The following FARP1 variants were observed in gnomAD, a reference collection of about 807,000 sequenced individuals.
FARP1 encodes FERM, ARHGEF and pleckstrin domain-containing protein 1.
In FARP1, 52 loss-of-function variants were observed where a neutral mutation model predicts 128.8. The ratio of observed to expected loss-of-function variants is 0.40; its 90% CI spans 0.32 to 0.51. FARP1 has a LOEUF of 0.51. Ranked by LOEUF, FARP1 falls within the 20% of genes least tolerant of loss-of-function variation. The pLI is 0.45. For missense variants in FARP1, 1,333 were observed against 1,367.9 expected, an observed-to-expected ratio of 0.97 and a Z score of 0.40; for synonymous variants, 580 against 551.8, an observed-to-expected ratio of 1.05 and a Z score of -0.72.
chr13:98,225,627 C>G (rs930873595), intron 2 of FARP1, among the ~76,000 whole-genome samples: 1 of 152,232 alleles, frequency 6.6e-6, no homozygotes, highest in Non-Finnish European at 1.5e-5. Context: ...CTGAAAGGCC[C>G]GTGGCCATCT....
At chr13:98,275,706 A>G (rs963036466) in intron 2 of FARP1, among the ~76,000 whole-genome samples, 8 of 147,058 alleles carry the variant, frequency 5.4e-5, no homozygotes, top group African/African-American at 1.8e-4. Flanking sequence ...AAAATGTCCC[A>G]CTTTCCTGGT....
chr13:98,341,492 C>T (rs1285705217), intron 2 of FARP1, among the ~76,000 whole-genome samples: 1 of 151,960 alleles, frequency 6.6e-6, no homozygotes, highest in African/African-American at 2.4e-5. Context: ...ATTAGCTGGG[C>T]GTGGTGGCGG....
chr13:98,144,081 A>G (rs958127697), intron 1 of FARP1, among the ~76,000 whole-genome samples: 2 of 151,850 alleles, frequency 1.3e-5, no homozygotes, highest in African/African-American at 4.8e-5. Flanking sequence ...TTTATTTTTT[A>G]TTTTTTAAAG....
chr13:98,287,096 C>T (rs1885206869), intron 2 of FARP1, among the ~76,000 whole-genome samples: 1 of 151,920 alleles, frequency 6.6e-6, no homozygotes, highest in Admixed American at 6.6e-5. Flanking sequence ...GTGCTTTGCA[C>T]TACAGATACA....
chr13:98,387,228 G>A (rs1351004875), intron 8 of FARP1, among the ~76,000 whole-genome samples: 1 of 152,200 alleles, frequency 6.6e-6, no homozygotes, highest in East Asian at 1.9e-4. Flanking sequence ...TTGAATTTGG[G>A]AAGCAGAGGT....
At chr13:98,179,741 C>T (rs890842120) in intron 1 of FARP1, among the ~76,000 whole-genome samples, 14 of 151,030 alleles carry the variant, frequency 9.3e-5, no homozygotes, top group African/African-American at 2.7e-4. Flanking sequence ...CCTGTAGCCC[C>T]AGCTACTCGG....
At chr13:98,291,287 G>T (rs1885435102) in intron 2 of FARP1, among the ~76,000 whole-genome samples, 1 of 152,172 alleles carries the variant, frequency 6.6e-6, no homozygotes, top group Admixed American at 6.5e-5. Flanking sequence ...TTGTTTAATG[G>T]AAGTGGATCA....
Position 98,448,329 on chromosome 13 carries a change from A to G in FARP1, c.*12A>G. ...CTCTTGTGTATTGATGGCCGGACAC[A>G]CTCGTTTCCGCAGTGGCTGCTTTCC... On this transcript the variant is annotated 3_prime_UTR_variant, in exon 27 of 27. Transcript: ENST00000319562. 2 of 1,599,916 alleles carry G rather than the reference A, an allele frequency of 1.3e-6. No individual in the cohort carries two copies. Among genetic ancestry groups the G allele is most frequent in the Non-Finnish European group, 1.7e-6 (2 of 1,167,048 alleles).
intron 2 of FARP1, among the ~76,000 whole-genome samples, chr13:98,230,092 G>A (rs913353349): frequency 2.0e-5 from 3 of 152,144 alleles, no homozygotes; most frequent in African/African-American, 2.4e-5. Context: ...ACTTGCTTTA[G>A]AGAAGTGGGC....
chr13:98,177,249 G>A, intron 1 of FARP1: 2 of 1,533,714 alleles, frequency 1.3e-6, no homozygotes, highest in South Asian at 2.5e-5. Flanking sequence ...TTGAGTCTCA[G>A]GCTCCCAACG....
chr13:98,370,639 TG>T (rs1289264680), intron 5 of FARP1, among the ~76,000 whole-genome samples: 1 of 151,634 alleles, frequency 6.6e-6, no homozygotes, highest in Non-Finnish European at 1.5e-5. Context: ...GGAGGACTGT[TG>T]GGGAGTGGAG....
At position 98,221,405 on chromosome 13, in the gene FARP1, G is replaced by A. The variant is rs548604229; in HGVS notation, c.171+7992G>A. On this transcript the variant is annotated intron_variant, in intron 2 of 26. Coordinates refer to ENST00000319562, the MANE Select transcript of FARP1 (RefSeq NM_005766.4). ...CATTCCTCTTAGACCACAGCTGCCT[G>A]TGTAGTCTCACATCAAACTGGGGCT... Among the ~76,000 whole-genome samples, 6 of 152,298 alleles carry A rather than the reference G, an allele frequency of 3.9e-5. No individual in the cohort carries two copies. In the East Asian group the frequency reaches 1.2e-3, roughly 29 times the overall value.
rs1379397344 is a variant in FARP1, at chr13:98,452,346, AATT to A, written c.*4032_*4034del. On this transcript the variant is annotated 3_prime_UTR_variant, in exon 27 of 27. Transcript: ENST00000319562. ...GAGCGCTTCATGGGGAGAAACTGAA[AATT>A]ATAATTTAAAGCTTCATGAGGCAAG... 6.6e-6 allele frequency: 1 copy of A among 152,524 alleles called. No homozygotes were observed. The allele number at this position is 152,524 out of a possible 1,614,324, so 9.4% of individuals were successfully genotyped here.
chr13:98,451,601 G>A lies in FARP1; in HGVS notation c.*3284G>A, dbSNP rs9517312. 32,637 of 151,968 alleles carry A rather than the reference G, an allele frequency of 0.21. 3,628 individuals are homozygous for A. Among genetic ancestry groups the A allele is most frequent in the Middle Eastern group, 0.25 (73 of 294 alleles). 9.4% of individuals were successfully genotyped at this position (151,968 alleles called of 1,614,324 possible). On this transcript the variant is annotated 3_prime_UTR_variant, in exon 27 of 27. Coordinates refer to ENST00000319562, the MANE Select transcript of FARP1 (RefSeq NM_005766.4). ...TCTGTCCCCTCCCTATAGCTTAGAG[G>A]CCACTAGACCAGCAGATAGCTGAGC...
At chr13:98,195,301 TC>T (rs1879499200) in intron 1 of FARP1, among the ~76,000 whole-genome samples, 1 of 152,200 alleles carries the variant, frequency 6.6e-6, no homozygotes, top group Non-Finnish European at 1.5e-5. Context: ...TGCTCCTCGA[TC>T]TGCCTATTTA....
chr13:98,186,212 T>G (rs571179840), intron 1 of FARP1, among the ~76,000 whole-genome samples: 3 of 152,300 alleles, frequency 2.0e-5, no homozygotes, highest in Admixed American at 2.0e-4. Flanking sequence ...GTTCAAGCGA[T>G]TCTCCTGCCT....
At chr13:98,447,910 C>T in intron 26 of FARP1, 1 of 367,686 alleles carries the variant, frequency 2.7e-6, no homozygotes, top group Non-Finnish European at 5.0e-6. Flanking sequence ...CACGTCCCGC[C>T]ATTCTCTGCC....
chr13:98,444,111 CG>C (rs68077784), intron 24 of FARP1, among the ~76,000 whole-genome samples: 30,780 of 151,508 alleles, frequency 0.2, 3,347 homozygotes, highest in African/African-American at 0.24. Flanking sequence ...GTCTTCTTCT[CG>C]GGGGGTCCCC....
chr13:98,265,388 C>T (rs1334873903), intron 2 of FARP1, among the ~76,000 whole-genome samples: 4 of 129,180 alleles, frequency 3.1e-5, no homozygotes, highest in Admixed American at 9.3e-5. Flanking sequence ...GGCGGGATCT[C>T]GGCTCACTGC....
Sources: gnomAD v4.1 joint callset for allele counts (sites outside exome capture counted in the v4.1 genomes callset) on GRCh38, gnomAD v4.1.1 for gene constraint, MANE v1.5 for transcripts, NCBI Gene and HGNC (gene_info 2026-07-23, HGNC 2026-07-21) for gene names.